The following CAP2 variants were observed in gnomAD, a reference collection of about 807,000 sequenced individuals.
CAP2 encodes the protein cyclase associated actin cytoskeleton regulatory protein 2.
A neutral mutation model predicts 57.7 loss-of-function variants in CAP2; 24 were observed. That is an observed-to-expected ratio of 0.42 (90% CI 0.30 to 0.58). CAP2 has a LOEUF of 0.58. Ranked by LOEUF, CAP2 falls within the 20% of genes least tolerant of loss-of-function variation. CAP2 has a pLI of 0.22. For missense variants in CAP2, 501 were observed against 590.3 expected (o/e 0.85, Z 1.57); for synonymous variants, 194 against 207.2 (o/e 0.94, Z 0.55).
At chr6:17,512,970 C>T (rs1762192246) in intron 6 of CAP2, among the ~76,000 whole-genome samples, 1 of 152,064 alleles carries the variant, frequency 6.6e-6, no homozygotes, top group Non-Finnish European at 1.5e-5. Flanking sequence ...ATTAATGGCC[C>T]AGGAACATAA....
chr6:17,462,891 T>C, intron 3 of CAP2, 105 bp from the exon 4 acceptor site: 2 of 809,630 alleles, frequency 2.5e-6, no homozygotes, highest in Non-Finnish European at 2.1e-6. Context: ...GAAGATATAT[T>C]TTCATTTTTC....
intron 3 of CAP2, among the ~76,000 whole-genome samples, chr6:17,446,764 A>G (rs1196951782): frequency 6.6e-6 from 1 of 152,276 alleles, no homozygotes; most frequent in Non-Finnish European, 1.5e-5. Flanking sequence ...TGGAATCAAG[A>G]TACTGCCTGA....
At chr6:17,556,246 C>A in intron 12 of CAP2, 113 bp from the exon 13 acceptor site, 1 of 726,720 alleles carries the variant, frequency 1.4e-6, no homozygotes. Flanking sequence ...GATCGAATTT[C>A]TTTGCCTATC....
chr6:17,528,295 A>G (rs1762558695), intron 7 of CAP2, among the ~76,000 whole-genome samples: 1 of 152,256 alleles, frequency 6.6e-6, no homozygotes, highest in Non-Finnish European at 1.5e-5. Context: ...ACGAAACCCC[A>G]TTATAAGTCA....
chr6:17,555,967 G>A (rs1041300025), intron 12 of CAP2, among the ~76,000 whole-genome samples: 10 of 152,136 alleles, frequency 6.6e-5, no homozygotes, highest in African/African-American at 2.4e-4. Flanking sequence ...TTCTAGCTGC[G>A]CTGTTACTGG....
intron 4 of CAP2, among the ~76,000 whole-genome samples, chr6:17,467,961 C>T (rs573398707): frequency 6.6e-6 from 1 of 152,272 alleles, no homozygotes; most frequent in South Asian, 2.1e-4. Context: ...GCCTCAGCTC[C>T]CCCACTACCC....
intron 7 of CAP2, among the ~76,000 whole-genome samples, chr6:17,528,838 C>T (rs1045596092): frequency 6.6e-6 from 1 of 152,092 alleles, no homozygotes; most frequent in Admixed American, 6.5e-5. Flanking sequence ...TATTATACAG[C>T]ACTTCACTGT....
chr6:17,437,091 T>C (rs1759913456), intron 3 of CAP2, among the ~76,000 whole-genome samples: 1 of 152,170 alleles, frequency 6.6e-6, no homozygotes. Context: ...AGATTCTACA[T>C]TGTGGTGAGT....
At chr6:17,486,337 G>T (rs1581560327) in intron 4 of CAP2, among the ~76,000 whole-genome samples, 2 of 152,324 alleles carry the variant, frequency 1.3e-5, no homozygotes, top group African/African-American at 4.8e-5. Context: ...CAGGTGTGGG[G>T]GCTCATGCCT....
At chr6:17,414,068 A>C (rs1759212894) in intron 1 of CAP2, among the ~76,000 whole-genome samples, 1 of 150,424 alleles carries the variant, frequency 6.6e-6, no homozygotes. Flanking sequence ...AAAAAAAAAA[A>C]GAGTTTAACA....
chr6:17,445,146 A>G (rs777474969), intron 3 of CAP2, among the ~76,000 whole-genome samples: 12 of 152,118 alleles, frequency 7.9e-5, no homozygotes, highest in Non-Finnish European at 1.8e-4. Flanking sequence ...TTACTCCGCC[A>G]CCCAGGCTGG....
Position 17,532,704 on chromosome 6 carries a change from C to T in CAP2, c.637-6565C>T, listed in dbSNP as rs550284950. ...TAGAGGTTGCAGTGAGCTGAGATCACGCCACTGCACTCCAGCCTGGGCGAC... is the reference window on the plus strand; with the variant it reads ...TAGAGGTTGCAGTGAGCTGAGATCATGCCACTGCACTCCAGCCTGGGCGAC... On this transcript the variant is annotated intron_variant, in intron 7 of 12. Transcript: ENST00000229922. Among the ~76,000 whole-genome samples, 11 of 147,502 alleles carry T rather than the reference C, an allele frequency of 7.5e-5. No homozygotes were observed. The South Asian group carries it at 1.3e-3, about 17-fold the overall frequency.
intron 4 of CAP2, among the ~76,000 whole-genome samples, chr6:17,482,561 C>T (rs1442680901): frequency 4.7e-5 from 7 of 149,088 alleles, no homozygotes; most frequent in Non-Finnish European, 8.9e-5. Flanking sequence ...GGCAAGGCCA[C>T]GCTCCCTCAG....
At position 17,471,034 on chromosome 6, in the gene CAP2, G is replaced by A. The variant is rs183551882; in HGVS notation, c.300+7961G>A. Among the ~76,000 whole-genome samples, 261 of 152,222 alleles carry A rather than the reference G, an allele frequency of 1.7e-3. 4 individuals carry two copies. Among genetic ancestry groups the A allele is most frequent in the Non-Finnish European group, 1.5e-4 (10 of 68,012 alleles). On this transcript the variant is annotated intron_variant, in intron 4 of 12. Transcript: ENST00000229922. ...TCCCTATAAAATGTTTTACCATAACGATAAGGTGTCAAGTTATTGTCCAGT... is the reference window on the plus strand; with the variant it reads ...TCCCTATAAAATGTTTTACCATAACAATAAGGTGTCAAGTTATTGTCCAGT...
At chr6:17,511,686 G>T (rs745710920) in intron 6 of CAP2, among the ~76,000 whole-genome samples, 4 of 151,998 alleles carry the variant, frequency 2.6e-5, no homozygotes, top group Non-Finnish European at 5.9e-5. Context: ...ACTCCTAACC[G>T]CAAATGATCT....
At chr6:17,396,555 C>A (rs151185201) in intron 1 of CAP2, among the ~76,000 whole-genome samples, 4 of 152,138 alleles carry the variant, frequency 2.6e-5, no homozygotes, top group Non-Finnish European at 5.9e-5. Context: ...CAAAATATCA[C>A]GTACTGTATG....
Position 17,451,533 on chromosome 6 carries a change from A to G in CAP2, c.223-11463A>G, listed in dbSNP as rs976800066. Among the ~76,000 whole-genome samples the G allele has an allele frequency of 1.3e-4, 19 of 151,634 alleles. No individual in the cohort carries two copies. The Middle Eastern group carries it at 0.01, about 81-fold the overall frequency. On this transcript the variant is annotated intron_variant, in intron 3 of 12. Transcript: ENST00000229922. ...AAAATACTTTTTTTTTTTTTGAGACAGAGTCTCGCTCTGTCACCCAGGCTG... is the reference window on the plus strand; with the variant it reads ...AAAATACTTTTTTTTTTTTTGAGACGGAGTCTCGCTCTGTCACCCAGGCTG...
intron 7 of CAP2, among the ~76,000 whole-genome samples, chr6:17,515,565 A>G (rs541681279): frequency 1.3e-5 from 2 of 152,256 alleles, no homozygotes; most frequent in Non-Finnish European, 1.5e-5. Flanking sequence ...GCATCATACA[A>G]TATACCCACG....
At chr6:17,410,852 C>G (rs1317443438) in intron 1 of CAP2, among the ~76,000 whole-genome samples, 1 of 152,140 alleles carries the variant, frequency 6.6e-6, no homozygotes, top group East Asian at 1.9e-4. Context: ...AGCCACCATG[C>G]CTGGCCAGAT....
Sources: gnomAD v4.1 joint callset for allele counts (sites outside exome capture counted in the v4.1 genomes callset) on GRCh38, gnomAD v4.1.1 for gene constraint, MANE v1.5 for transcripts, NCBI Gene and HGNC (gene_info 2026-07-23, HGNC 2026-07-21) for gene names.